PTPN13: variants seen among roughly 807,000 people sequenced by gnomAD.
PTPN13 encodes tyrosine-protein phosphatase non-receptor type 13.
PTPN13 carries 191 observed loss-of-function variants against 284.0 expected under a neutral mutation model. The observed-to-expected ratio is 0.67, with a 90% CI of 0.60 to 0.76. PTPN13 has a LOEUF of 0.76. Ranked by LOEUF, PTPN13 falls within the 30% of genes least tolerant of loss-of-function variation. PTPN13 has a pLI of 0.00. For synonymous variants in PTPN13, 986 were observed against 1,022.3 expected (o/e 0.96, Z 0.68); for missense variants, 2,797 against 2,939.9 (o/e 0.95, Z 1.12).
chr4:86,631,276 ATTTTCTT>A (rs1338550590), intron 1 of PTPN13, among the ~76,000 whole-genome samples: 1 of 151,490 alleles, frequency 6.6e-6, no homozygotes. Context: ...TTTTCCCTCC[ATTTTCTT>A]TTTTCTTTTT....
intron 1 of PTPN13, among the ~76,000 whole-genome samples, chr4:86,634,770 G>A (rs1274081256): frequency 6.6e-6 from 1 of 152,146 alleles, no homozygotes; most frequent in Non-Finnish European, 1.5e-5. Context: ...GGAGATAATA[G>A]AAATCAACTA....
intron 9 of PTPN13, among the ~76,000 whole-genome samples, chr4:86,717,514 T>C (rs1371379402): frequency 6.6e-6 from 1 of 152,122 alleles, no homozygotes; most frequent in African/African-American, 2.4e-5. Flanking sequence ...TTTCCTTTAT[T>C]TTTTGCATTT....
chr4:86,798,035 T>C (rs994167893), intron 41 of PTPN13, among the ~76,000 whole-genome samples: 8 of 152,198 alleles, frequency 5.3e-5, no homozygotes, highest in African/African-American at 1.9e-4. Context: ...AAACTGAAGG[T>C]CCTGCAAATT....
chr4:86,726,914 G>C lies in PTPN13; in HGVS notation c.1608+4480G>C, dbSNP rs1393543897. ...CTGGATTTCAAAGGGAATGCTTCCA[G>C]TTTTTGTCCATTTAGTATGATATTG... On this transcript the variant is annotated intron_variant, in intron 10 of 47. Transcript: ENST00000411767. Among the ~76,000 whole-genome samples the C allele has an allele frequency of 2.0e-5, 3 of 149,474 alleles. 1 individual carries two copies. The East Asian group carries it at 5.8e-4, about 29-fold the overall frequency.
At chr4:86,794,411 T>C (rs1034155042) in intron 40 of PTPN13, among the ~76,000 whole-genome samples, 1 of 152,144 alleles carries the variant, frequency 6.6e-6, no homozygotes, top group African/African-American at 2.4e-5. Context: ...CACAAACAAA[T>C]GGAAGAACAT....
chr4:86,798,344 A>G (rs887053772), intron 41 of PTPN13, among the ~76,000 whole-genome samples: 4 of 152,184 alleles, frequency 2.6e-5, no homozygotes, highest in Non-Finnish European at 4.4e-5. Flanking sequence ...GAACAGGGGG[A>G]AACATCTGTC....
intron 2 of PTPN13, among the ~76,000 whole-genome samples, chr4:86,646,041 G>A (rs952886855): frequency 6.6e-6 from 1 of 151,850 alleles, no homozygotes. Context: ...AAAGAAAGAT[G>A]CCCTTTTCAA....
intron 3 of PTPN13, among the ~76,000 whole-genome samples, chr4:86,685,927 G>A (rs553880429): frequency 6.6e-6 from 1 of 152,050 alleles, no homozygotes; most frequent in Non-Finnish European, 1.5e-5. Flanking sequence ...AGTAGCAAAG[G>A]TTTGAAAAAA....
At chr4:86,623,333 T>C (rs1483294640) in intron 1 of PTPN13, among the ~76,000 whole-genome samples, 2 of 152,124 alleles carry the variant, frequency 1.3e-5, no homozygotes, top group Admixed American at 6.6e-5. Flanking sequence ...CTGCCAATAT[T>C]GAGGGAAGAT....
rs183609280 is a variant in PTPN13, at chr4:86,726,499, T to A, written c.1608+4065T>A. On this transcript the variant is annotated intron_variant, in intron 10 of 47. Transcript: ENST00000411767. ...GTGTGTCTTTTATTTCGTTGAACAGTGGTTTGTAGTTCTGCTTGAAGAGGT... is the reference window on the plus strand; with the variant it reads ...GTGTGTCTTTTATTTCGTTGAACAGAGGTTTGTAGTTCTGCTTGAAGAGGT... Among the ~76,000 whole-genome samples, 15 of 149,292 alleles carry A rather than the reference T, an allele frequency of 1.0e-4. 2 individuals are homozygous for A. Among genetic ancestry groups the A allele is most frequent in the South Asian group, 2.1e-4 (1 of 4,710 alleles).
At chr4:86,689,782 A>G (rs899347730) in intron 5 of PTPN13, 4 of 701,448 alleles carry the variant, frequency 5.7e-6, no homozygotes, top group South Asian at 1.5e-5. Flanking sequence ...AACCAATGCT[A>G]TATATTACCT....
intron 1 of PTPN13, among the ~76,000 whole-genome samples, chr4:86,625,812 C>T (rs956569995): frequency 1.1e-4 from 17 of 152,252 alleles, no homozygotes; most frequent in African/African-American, 2.6e-4. Flanking sequence ...TGAGGGCAAT[C>T]GCAGAATGCT....
At chr4:86,768,800 C>G (rs1348641535) in intron 28 of PTPN13, among the ~76,000 whole-genome samples, 1 of 151,340 alleles carries the variant, frequency 6.6e-6, no homozygotes, top group Non-Finnish European at 1.5e-5. Flanking sequence ...AACCTCCGCC[C>G]CTGGGTTCAA....
At chr4:86,677,192 G>A (rs1262942423) in intron 3 of PTPN13, among the ~76,000 whole-genome samples, 1 of 151,918 alleles carries the variant, frequency 6.6e-6, no homozygotes, top group Non-Finnish European at 1.5e-5. Context: ...GCGTGAACCT[G>A]GGAGGCAGAG....
chr4:86,732,619 C>T lies in PTPN13; in HGVS notation c.1711C>T (p.Arg571Ter), dbSNP rs1233425353. The T allele has an allele frequency of 2.5e-6, 4 of 1,612,928 alleles. No homozygotes were observed. The highest frequency in any genetic ancestry group is 2.2e-5 in the East Asian group (1 of 44,808). ...LTKKGKNEDN[R>*]RKVNIMLLNG... Reference sequence around the variant, plus strand: ...TAAGAAAGGGAAGAATGAGGATAACCGAAGGAAAGTAAACATAATGCTTCT... The same window carrying T: ...TAAGAAAGGGAAGAATGAGGATAACTGAAGGAAAGTAAACATAATGCTTCT... Residue 571 changes from arginine to a stop codon, truncating the protein, a stop_gained, in exon 12 of 48, where the codon CGA (arginine) becomes TGA (stop). Coordinates refer to ENST00000411767, the MANE Select transcript of PTPN13 (RefSeq NM_080683.3). LOFTEE classifies it high-confidence loss of function.
intron 3 of PTPN13, among the ~76,000 whole-genome samples, chr4:86,672,967 C>G (rs1330488521): frequency 4.6e-5 from 7 of 152,182 alleles, no homozygotes. Context: ...TAGCAAGAAA[C>G]TGTTCCACTC....
At chr4:86,803,938 A>AT in intron 43 of PTPN13, 81 bp downstream of exon 43, 1 of 1,469,606 alleles carries the variant, frequency 6.8e-7, no homozygotes, top group Non-Finnish European at 9.2e-7. Flanking sequence ...CTGGCCCAAG[A>AT]TTAGAAGAAT....
intron 24 of PTPN13, 125 bp downstream of exon 24, chr4:86,763,315 C>A: frequency 2.5e-6 from 2 of 808,062 alleles, no homozygotes; most frequent in South Asian, 1.8e-5. Flanking sequence ...TAGTTTATAT[C>A]TTCTAATTGC....
intron 37 of PTPN13, 112 bp from the exon 38 acceptor site, chr4:86,784,353 T>G (rs1172652504): frequency 3.0e-6 from 2 of 670,350 alleles, no homozygotes; most frequent in Non-Finnish European, 5.0e-6. Flanking sequence ...GGTGGAGAGA[T>G]GTAAAATGGA....
Sources: gnomAD v4.1 joint callset for allele counts (sites outside exome capture counted in the v4.1 genomes callset) on GRCh38, gnomAD v4.1.1 for gene constraint, MANE v1.5 for transcripts, NCBI Gene and HGNC (gene_info 2026-07-23, HGNC 2026-07-21) for gene names.